TMEM167A: variants seen among roughly 807,000 people sequenced by gnomAD.
The protein encoded by TMEM167A is transmembrane protein 167A.
A neutral mutation model predicts 11.6 loss-of-function variants in TMEM167A; 8 were observed. The observed-to-expected ratio is 0.69, with a 90% CI of 0.40 to 1.24. TMEM167A has a LOEUF of 1.24. TMEM167A is among the 50% of genes most tolerant of loss of function. The pLI, the probability that TMEM167A is intolerant of heterozygous loss-of-function variation, is 0.01. For missense variants in TMEM167A, 62 were observed against 87.0 expected (o/e 0.71, Z 1.14); for synonymous variants, 22 against 28.0 (o/e 0.79, Z 0.67).
chr5:83,067,692 T>TC (rs1225688400), intron 1 of TMEM167A, among the ~76,000 whole-genome samples: 1 of 151,914 alleles, frequency 6.6e-6, no homozygotes, highest in East Asian at 1.9e-4. Context: ...TTTTTTTTTT[T>TC]AGTAGAGACA....
chr5:83,073,750 A>AG (rs1171623068), intron 1 of TMEM167A, among the ~76,000 whole-genome samples: 2 of 152,228 alleles, frequency 1.3e-5, no homozygotes, highest in African/African-American at 4.8e-5. Context: ...ACAACGTGCA[A>AG]TTGGGAATGG....
intron 2 of TMEM167A, chr5:83,064,345 G>T (rs745849976): frequency 1.9e-6 from 1 of 517,912 alleles, no homozygotes; most frequent in East Asian, 5.5e-5. Flanking sequence ...CAACCTACTT[G>T]CTTTTGAAGA....
Position 83,055,455 on chromosome 5 carries a change from G to C in TMEM167A, c.*1629C>G, listed in dbSNP as rs185305666. ...GAGAAACCCTAAAAATCCTTGACCT[G>C]ATGTAAAGCCCAAGAGGCAGTTTAG... On this transcript the variant is annotated 3_prime_UTR_variant, in exon 4 of 4. Transcript: ENST00000502346. 4 of 151,844 alleles carry C rather than the reference G, an allele frequency of 2.6e-5. No individual in the cohort carries two copies. Among genetic ancestry groups the C allele is most frequent in the African/African-American group, 9.7e-5 (4 of 41,352 alleles). 9.4% of individuals were successfully genotyped at this position (151,844 alleles called of 1,614,324 possible). A position where few individuals can be genotyped will look rare whatever the true frequency, so the allele number is the denominator to read the frequency against.
chr5:83,071,738 T>C (rs964986534), intron 1 of TMEM167A, among the ~76,000 whole-genome samples: 1 of 152,204 alleles, frequency 6.6e-6, no homozygotes, highest in Non-Finnish European at 1.5e-5. Flanking sequence ...TTGCACCAAA[T>C]AGGCAAGTAA....
At chr5:83,074,897 A>G (rs1480925430) in intron 1 of TMEM167A, among the ~76,000 whole-genome samples, 1 of 152,086 alleles carries the variant, frequency 6.6e-6, no homozygotes, top group Non-Finnish European at 1.5e-5. Context: ...CAGCCTCCCA[A>G]GTAGCTGGGA....
At chr5:83,073,009 C>A (rs1322286711) in intron 1 of TMEM167A, among the ~76,000 whole-genome samples, 2 of 152,188 alleles carry the variant, frequency 1.3e-5, no homozygotes, top group African/African-American at 4.8e-5. Context: ...TGAACTGCTA[C>A]CTCCTCACCC....
At chr5:83,058,504 T>C (rs964802239) in intron 3 of TMEM167A, among the ~76,000 whole-genome samples, 6 of 152,016 alleles carry the variant, frequency 3.9e-5, no homozygotes, top group Non-Finnish European at 7.4e-5. Flanking sequence ...CTGTAAACAA[T>C]GCTAATTCTC....
chr5:83,076,223 T>C (rs1041889392), intron 1 of TMEM167A, among the ~76,000 whole-genome samples: 2 of 152,208 alleles, frequency 1.3e-5, no homozygotes, highest in Non-Finnish European at 2.9e-5. Context: ...GAACTTGATA[T>C]TTCCATGCTT....
chr5:83,072,034 T>C lies in TMEM167A; in HGVS notation c.3+5287A>G, dbSNP rs10514247. Among the ~76,000 whole-genome samples, 500 of 152,340 alleles carry C rather than the reference T, an allele frequency of 3.3e-3. 12 individuals carry two copies. The East Asian group carries it at 0.078, about 24-fold the overall frequency. On this transcript the variant is annotated intron_variant, in intron 1 of 3. Coordinates refer to ENST00000502346, the MANE Select transcript of TMEM167A (RefSeq NM_174909.5). ...CTTAATACTTTCCATTTAACAACTTTCATGGATATGATGAGTAAAACTACA... is the reference window on the plus strand; with the variant it reads ...CTTAATACTTTCCATTTAACAACTTCCATGGATATGATGAGTAAAACTACA...
chr5:83,059,460 A>G (rs80283884), intron 3 of TMEM167A, among the ~76,000 whole-genome samples: 2,976 of 147,850 alleles, frequency 0.02, 38 homozygotes, highest in Middle Eastern at 0.045. Flanking sequence ...CTCTTCCATT[A>G]TGTTCTCTCT....
intron 1 of TMEM167A, among the ~76,000 whole-genome samples, chr5:83,065,396 T>C (rs1744467096): frequency 7.4e-6 from 1 of 135,954 alleles, no homozygotes; most frequent in Admixed American, 7.2e-5. Flanking sequence ...TAAGTTTCTT[T>C]TAATTCTGAA....
intron 3 of TMEM167A, among the ~76,000 whole-genome samples, chr5:83,060,855 A>C (rs1744397379): frequency 6.6e-6 from 1 of 152,116 alleles, no homozygotes; most frequent in African/African-American, 2.4e-5. Flanking sequence ...ATACTGATGA[A>C]TGATGCAATA....
intron 3 of TMEM167A, among the ~76,000 whole-genome samples, chr5:83,059,747 A>T (rs910384537): frequency 2.0e-5 from 3 of 151,816 alleles, no homozygotes; most frequent in African/African-American, 7.3e-5. Flanking sequence ...AGCCCTTCTC[A>T]CTCCAGTACT....
chr5:83,061,290 C>A (rs1012583123), intron 3 of TMEM167A, among the ~76,000 whole-genome samples: 1 of 152,216 alleles, frequency 6.6e-6, no homozygotes, highest in Non-Finnish European at 1.5e-5. Flanking sequence ...ATACTATCAA[C>A]ATGTGTGCAT....
intron 1 of TMEM167A, among the ~76,000 whole-genome samples, chr5:83,072,679 C>T (rs1219128780): frequency 6.6e-6 from 1 of 152,068 alleles, no homozygotes; most frequent in Non-Finnish European, 1.5e-5. Context: ...CAGGTGCACG[C>T]CACCAAGCCC....
chr5:83,055,157 T>A lies in TMEM167A; in HGVS notation c.*1927A>T, dbSNP rs1364696721. On this transcript the variant is annotated 3_prime_UTR_variant, in exon 4 of 4. Coordinates refer to ENST00000502346, the MANE Select transcript of TMEM167A (RefSeq NM_174909.5). The stretch of plus-strand genomic sequence containing the variant: ...TTTAGCATCTATACAAAGCAAAACG[T>A]TTTGTATGTTTCCACAAATTTTCCC... 1.3e-5 allele frequency: 2 copies of A among 152,024 alleles called. No homozygotes were observed. Among genetic ancestry groups the A allele is most frequent in the African/African-American group, 4.8e-5 (2 of 41,416 alleles). 9.4% of individuals were successfully genotyped at this position (152,024 alleles called of 1,614,324 possible). A position where few individuals can be genotyped will look rare whatever the true frequency, so the allele number is the denominator to read the frequency against.
At chr5:83,067,985 A>G (rs980539421) in intron 1 of TMEM167A, among the ~76,000 whole-genome samples, 6 of 73,586 alleles carry the variant, frequency 8.2e-5, no homozygotes, top group Non-Finnish European at 2.6e-4. Flanking sequence ...GGTTTTAATT[A>G]AATTGGGTTT....
At chr5:83,065,390 T>C (rs543036838) in intron 1 of TMEM167A, among the ~76,000 whole-genome samples, 1 of 139,296 alleles carries the variant, frequency 7.2e-6, no homozygotes, top group South Asian at 2.3e-4. Context: ...GCTAGCTAAG[T>C]TTCTTTTAAT....
At chr5:83,066,219 A>G (rs1744479293) in intron 1 of TMEM167A, among the ~76,000 whole-genome samples, 3 of 152,354 alleles carry the variant, frequency 2.0e-5, no homozygotes, top group Middle Eastern at 3.4e-3. Context: ...GGGAGATAAA[A>G]TATGTCAATC....
Sources: allele counts gnomAD v4.1 joint callset (sites outside exome capture counted in the v4.1 genomes callset), GRCh38; gene constraint gnomAD v4.1.1; transcripts MANE v1.5; gene names NCBI Gene and HGNC (gene_info 2026-07-23, HGNC 2026-07-21).